GDPD4: variants seen among roughly 807,000 people sequenced by gnomAD.
The protein encoded by GDPD4 is glycerophosphodiester phosphodiesterase 6.
GDPD4 carries 60 observed loss-of-function variants against 67.8 expected under a neutral mutation model. The observed-to-expected ratio is 0.88, with a 90% CI of 0.72 to 1.10. The LOEUF is 1.10. Among genes scored for constraint, GDPD4 ranks in the 50% least tolerant of loss-of-function variants. The probability of loss-of-function intolerance (pLI) is 0.00; values close to 1 mark genes in which losing one functional copy is unlikely to be tolerated. For synonymous variants in GDPD4, 212 were observed against 210.9 expected (o/e 1.00, Z -0.04); for missense variants, 623 against 613.9 (o/e 1.01, Z -0.16).
At chr11:77,257,426 G>A (rs566464711) in intron 11 of GDPD4, among the ~76,000 whole-genome samples, 6 of 152,062 alleles carry the variant, frequency 3.9e-5, no homozygotes, top group African/African-American at 9.6e-5. Context: ...TCTTTAACTT[G>A]TTATGTAAGC....
At position 77,293,793 on chromosome 11, in the gene GDPD4, T is replaced by C. The variant is rs116036663; in HGVS notation, c.-253-6373A>G. ...AGCCAATAGCTAACTTCAAACTTAATAGTGAAAGATTGATTGCTTTCTAAA... is the reference window on the plus strand; with the variant it reads ...AGCCAATAGCTAACTTCAAACTTAACAGTGAAAGATTGATTGCTTTCTAAA... On this transcript the variant is annotated intron_variant, in intron 1 of 16. Coordinates refer to ENST00000315938, the MANE Select transcript of GDPD4 (RefSeq NM_182833.3). Among the ~76,000 whole-genome samples the C allele has an allele frequency of 3.3e-3, 507 of 152,278 alleles. 5 individuals are homozygous for C. The highest frequency in any genetic ancestry group is 0.011 in the African/African-American group (471 of 41,554).
chr11:77,222,183 AGTCTGT>A (rs1427414882), intron 16 of GDPD4, among the ~76,000 whole-genome samples: 1 of 152,180 alleles, frequency 6.6e-6, no homozygotes, highest in Non-Finnish European at 1.5e-5. Context: ...CCAATTTGCC[AGTCTGT>A]GTCTTTTAAT....
intron 13 of GDPD4, among the ~76,000 whole-genome samples, chr11:77,237,560 T>C (rs989726638): frequency 6.6e-6 from 1 of 152,152 alleles, no homozygotes; most frequent in Non-Finnish European, 1.5e-5. Flanking sequence ...TAAAATAAGT[T>C]TAGAATTTAA....
intron 13 of GDPD4, among the ~76,000 whole-genome samples, chr11:77,233,445 T>TG (rs1200914851): frequency 3.0e-4 from 2 of 6,630 alleles, no homozygotes; most frequent in Admixed American, 2.2e-3. Flanking sequence ...GAAAACATAT[T>TG]GAAAAAAAAA....
At position 77,245,545 on chromosome 11, in the gene GDPD4, G is replaced by T. The variant is rs553582346; in HGVS notation, c.865-43C>A. On this transcript the variant is annotated intron_variant, in intron 11 of 16. Coordinates refer to ENST00000315938, the MANE Select transcript of GDPD4 (RefSeq NM_182833.3). ...AAAAAATACATAAAAGCACTTTCCA[G>T]TTCTCCTACTATGTAGCCACACATC... is the stretch of plus-strand genomic sequence containing the variant. 5 of 1,386,860 alleles carry T rather than the reference G, an allele frequency of 3.6e-6. No homozygotes were observed. In the Admixed American group the frequency reaches 8.7e-5, roughly 24 times the overall value. 85.9% of individuals were successfully genotyped at this position (1,386,860 alleles called of 1,614,324 possible). A position where few individuals can be genotyped will look rare whatever the true frequency, so the allele number is the denominator to read the frequency against.
chr11:77,291,970 C>T (rs944516699), intron 1 of GDPD4, among the ~76,000 whole-genome samples: 3 of 152,038 alleles, frequency 2.0e-5, no homozygotes, highest in East Asian at 1.9e-4. Flanking sequence ...GTGGAGGTTG[C>T]GGTGAGCCAA....
chr11:77,272,309 C>T (rs1959252788), intron 5 of GDPD4, among the ~76,000 whole-genome samples: 1 of 152,064 alleles, frequency 6.6e-6, no homozygotes, highest in South Asian at 2.1e-4. Context: ...ATTACAAGAA[C>T]AGAAAATACA....
At chr11:77,280,172 A>G (rs1959696294) in intron 3 of GDPD4, among the ~76,000 whole-genome samples, 1 of 151,822 alleles carries the variant, frequency 6.6e-6, no homozygotes, top group Admixed American at 6.6e-5. Flanking sequence ...TGCTCTGTAG[A>G]AGATGAGCTC....
chr11:77,299,942 CAAAG>C (rs1938103887), intron 1 of GDPD4, among the ~76,000 whole-genome samples: 1 of 152,128 alleles, frequency 6.6e-6, no homozygotes. Flanking sequence ...ATACTAGAGA[CAAAG>C]AGGGACATTT....
chr11:77,247,698 G>A (rs1454743025), intron 11 of GDPD4, among the ~76,000 whole-genome samples: 1 of 152,150 alleles, frequency 6.6e-6, no homozygotes, highest in Non-Finnish European at 1.5e-5. Flanking sequence ...GTGCCTCTGT[G>A]TAGACATATT....
chr11:77,243,693 C>G lies in GDPD4; in HGVS notation c.1241+1G>C. 1.2e-6 allele frequency: 2 copies of G among 1,610,668 alleles called. No homozygotes were observed. Among genetic ancestry groups the G allele is most frequent in the South Asian group, 1.1e-5 (1 of 90,980 alleles). ...CAAGAGAGGTGTGGTCAAACACTTA[C>G]CTTAACCCATTAGGGAACAACTTCT... On this transcript the variant is annotated splice_donor_variant, in intron 13 of 16. Transcript: ENST00000315938. LOFTEE classifies it high-confidence loss of function.
intron 1 of GDPD4, among the ~76,000 whole-genome samples, chr11:77,299,756 A>G (rs1227924092): frequency 6.6e-6 from 1 of 152,208 alleles, no homozygotes; most frequent in Admixed American, 6.5e-5. Flanking sequence ...CATATGGTTG[A>G]GCCCAAAGTC....
chr11:77,286,405 C>T (rs1045182855), intron 2 of GDPD4, among the ~76,000 whole-genome samples: 3 of 152,130 alleles, frequency 2.0e-5, no homozygotes, highest in Non-Finnish European at 4.4e-5. Flanking sequence ...CTTGTATTAT[C>T]CCCAGTGACT....
rs1212409401 is a variant in GDPD4, at chr11:77,287,298, A to T, written c.-131T>A. On this transcript the variant is annotated 5_prime_UTR_variant, in exon 2 of 17. Transcript: ENST00000315938. Reference sequence around the variant, plus strand: ...AGGCAACTATAGCAGCCAGTAAGGAAGGTGACAAAGCATTTGTGGTTGAAG... The same window carrying T: ...AGGCAACTATAGCAGCCAGTAAGGATGGTGACAAAGCATTTGTGGTTGAAG... The T allele has an allele frequency of 6.6e-6, 1 of 152,252 alleles. No homozygotes were observed. The highest frequency in any genetic ancestry group is 6.5e-5 in the Admixed American group (1 of 15,280). 9.4% of individuals were successfully genotyped at this position (152,252 alleles called of 1,614,324 possible).
rs193300438 is a variant in GDPD4 at position 77,265,806 on chromosome 11, G to A, written c.707+2651C>T. 5.5e-4 allele frequency among the ~76,000 whole-genome samples: 83 copies of A among 152,262 alleles called. 1 individual carries two copies. Among genetic ancestry groups the A allele is most frequent in the Admixed American group, 4.5e-3 (69 of 15,280 alleles). ...GAAGAGTTTTGTGTTACCTTTTAAA[G>A]TGGGAGCCACTTCTCTGCCTCCTTC... On this transcript the variant is annotated intron_variant, in intron 10 of 16. Transcript: ENST00000315938.
chr11:77,230,847 T>C (rs2135828648), intron 14 of GDPD4, among the ~76,000 whole-genome samples: 1 of 152,300 alleles, frequency 6.6e-6, no homozygotes. Flanking sequence ...GGCCAGGTGA[T>C]TTTCCTTGGC....
intron 16 of GDPD4, 122 bp downstream of exon 16, chr11:77,227,742 A>AC: frequency 4.8e-6 from 3 of 624,130 alleles, no homozygotes; most frequent in East Asian, 3.3e-5. Context: ...CCCTCCCCCA[A>AC]CCCCACCCCC....
intron 9 of GDPD4, 99 bp from the exon 10 acceptor site, chr11:77,268,638 G>A: frequency 5.2e-6 from 5 of 952,980 alleles, no homozygotes; most frequent in South Asian, 1.4e-5. Context: ...TTGGGGAGCA[G>A]AGCTTGGCTC....
chr11:77,280,089 A>G (rs1959691360), intron 3 of GDPD4, among the ~76,000 whole-genome samples: 1 of 152,194 alleles, frequency 6.6e-6, no homozygotes, highest in Admixed American at 6.5e-5. Flanking sequence ...GAGCTGTGAG[A>G]TAAACTAGGA....
Sources: allele counts gnomAD v4.1 joint callset (sites outside exome capture counted in the v4.1 genomes callset), GRCh38; gene constraint gnomAD v4.1.1; transcripts MANE v1.5; gene names NCBI Gene and HGNC (gene_info 2026-07-23, HGNC 2026-07-21).